The following PSME2 variants were observed in gnomAD, a reference collection of about 807,000 sequenced individuals.
PSME2 encodes the protein proteasome activator complex subunit 2.
In PSME2, 20 loss-of-function variants were observed where a neutral mutation model predicts 38.8. The observed-to-expected ratio is 0.52, with a 90% CI of 0.36 to 0.75. The LOEUF is 0.75. PSME2 is among the 30% of genes least tolerant of loss of function. PSME2 has a pLI of 0.00. For missense variants in PSME2, 227 were observed against 287.6 expected (o/e 0.79, Z 1.52); for synonymous variants, 82 against 102.5 (o/e 0.80, Z 1.21).
At chr14:24,146,132 G>C in intron 2 of PSME2, 76 bp downstream of exon 2, 1 of 1,541,914 alleles carries the variant, frequency 6.5e-7, no homozygotes, top group Non-Finnish European at 9.0e-7. Context: ...GACTTGGGGG[G>C]GTCATTCTGA....
At chr14:24,145,917 C>T in intron 2 of PSME2, 145 bp from the exon 3 acceptor site, 1 of 949,394 alleles carries the variant, frequency 1.1e-6, no homozygotes, top group South Asian at 1.4e-5. Context: ...AAGGACTTGC[C>T]CAAGCTGGTA....
In PSME2 at chr14:24,145,173, T is replaced by G. The variant is rs775220855; in HGVS notation, c.263-18A>C. 4 of 1,611,048 alleles carry G rather than the reference T, an allele frequency of 2.5e-6. No individual in the cohort carries two copies. In the South Asian group the frequency reaches 3.3e-5, roughly 13 times the overall value. On this transcript the variant is annotated intron_variant, in intron 5 of 10. Coordinates refer to ENST00000216802, the MANE Select transcript of PSME2 (RefSeq NM_002818.3). ...CTTATGGACTGTGAGAAAGAGGGGA[T>G]TCAGGCCCTTTCTCATCCAGTAGTC...
intron 5 of PSME2, 23 bp downstream of exon 5, chr14:24,145,220 T>A: frequency 6.2e-7 from 1 of 1,613,658 alleles, no homozygotes; most frequent in Non-Finnish European, 8.5e-7. Context: ...ACCCCTTCCC[T>A]AGTCACCTCT....
chr14:24,146,609 T>C lies in PSME2; in HGVS notation c.-28A>G. 6.2e-7 allele frequency: 1 copy of C among 1,611,442 alleles called. No individual in the cohort carries two copies. Among genetic ancestry groups the C allele is most frequent in the Non-Finnish European group, 8.5e-7 (1 of 1,179,984 alleles). On this transcript the variant is annotated 5_prime_UTR_variant, in exon 1 of 11. Transcript: ENST00000216802. ...TGCTTCAGTCGCTAGATCTCTGGTC[T>C]CCCGGCTAGTCGCCCGGGCTTTCGC...
At position 24,143,780 on chromosome 14, in the gene PSME2, C is replaced by A; in HGVS notation, c.553-109G>T. 1 of 1,338,920 alleles carries A rather than the reference C, an allele frequency of 7.5e-7. No homozygotes were observed. Among genetic ancestry groups the A allele is most frequent in the Non-Finnish European group, 1.1e-6 (1 of 945,668 alleles). 82.9% of individuals were successfully genotyped at this position (1,338,920 alleles called of 1,614,324 possible). ...CTTGAGAATGAACCCCTTCTTAGCA[C>A]CAAGAAATAGGATCCCAAAGGACTG... On this transcript the variant is annotated intron_variant, in intron 9 of 10. Coordinates refer to ENST00000216802, the MANE Select transcript of PSME2 (RefSeq NM_002818.3). This position sits in a 1 kb window ranked among gnomAD's most constrained non-coding sequence, Gnocchi z 4.4.
At chr14:24,145,353 C>T in intron 4 of PSME2, 26 bp downstream of exon 4, 1 of 1,609,480 alleles carries the variant, frequency 6.2e-7, no homozygotes, top group Non-Finnish European at 8.5e-7. Flanking sequence ...GTTTATAGTC[C>T]AAGTCCTGCA....
chr14:24,143,389 T>G lies in PSME2; in HGVS notation c.*20A>C, dbSNP rs780260617. 2.8e-5 allele frequency: 44 copies of G among 1,594,938 alleles called. 2 individuals are homozygous for G. The South Asian group carries it at 4.5e-4, about 16-fold the overall frequency. ...ATCCACACAACATATAGATCATTTATTTTCCTTCTAGTCCCGGGTTCAGTA... is the reference window on the plus strand; with the variant it reads ...ATCCACACAACATATAGATCATTTAGTTTCCTTCTAGTCCCGGGTTCAGTA... On this transcript the variant is annotated 3_prime_UTR_variant, in exon 11 of 11. Transcript: ENST00000216802. The surrounding 1 kb of genome is among the most constrained non-coding windows in gnomAD (Gnocchi z 4.4).
intron 3 of PSME2, 50 bp from the exon 4 acceptor site, chr14:24,145,515 A>G: frequency 1.3e-6 from 2 of 1,521,430 alleles, no homozygotes; most frequent in Non-Finnish European, 1.8e-6. Flanking sequence ...CCTTCATCCT[A>G]GGTCACAGCC....
Position 24,143,488 on chromosome 14 carries a change from GC to G in PSME2, c.640del (p.Ala214LeufsTer?). 1 of 1,614,166 alleles carries G rather than the reference GC, an allele frequency of 6.2e-7. No individual in the cohort carries two copies. Among genetic ancestry groups the G allele is most frequent in the Non-Finnish European group, 8.5e-7 (1 of 1,180,028 alleles). ...GCTGCTGATGATATGATAAAGCTCA[GC>G]CTGGGAGAAGGCCAGAGTGCAAGAG... ...AMVLDLRAFY[A>X]ELYHIISSNL... On this transcript the variant is annotated frameshift_variant and splice_region_variant, in exon 11 of 11. Transcript: ENST00000216802. LOFTEE classifies it high-confidence loss of function. The surrounding 1 kb of genome is among the most constrained non-coding windows in gnomAD (Gnocchi z 4.4).
Position 24,146,554 on chromosome 14 carries a change from T to C in PSME2, c.28A>G (p.Ser10Gly). MAKPCGVRL[S>G]GEARKQVEVF... ...ATTACCTGTTTGCGGGCTTCCCCGC[T>C]CAGGCGCACCCCACACGGCTTGGCC... Residue 10 changes from serine (S) to glycine (G), a missense_variant, in exon 1 of 11, where the codon AGC (serine) becomes GGC (glycine). Physicochemically the swap from Ser to Gly is moderately conservative, Grantham distance 56. This residue lies in a region of PSME2 where 80 missense variants were observed against 77.3 expected (regional missense o/e 1.04). Transcript: ENST00000216802. 1 of 1,613,886 alleles carries C rather than the reference T, an allele frequency of 6.2e-7. No individual in the cohort carries two copies. The highest frequency in any genetic ancestry group is 8.5e-7 in the Non-Finnish European group (1 of 1,180,022).
At position 24,144,199 on chromosome 14, in the gene PSME2, T is replaced by C. The variant is rs1462680033; in HGVS notation, c.490A>G (p.Ile164Val). 2 of 1,614,190 alleles carry C rather than the reference T, an allele frequency of 1.2e-6. No homozygotes were observed. Among genetic ancestry groups the C allele is most frequent in the East Asian group, 4.5e-5 (2 of 44,884 alleles). ...KTKVEAFQTT[I>V]SKYFSERGDA... ...TCCTCCAGCTGCCCTCACTTGGAAA[T>C]GGTTGTCTGGAAAGCTTCCACTTTG... Residue 164 changes from isoleucine to valine, a missense_variant, in exon 8 of 11, where the codon ATT becomes GTT. Physicochemically the swap from Ile to Val is conservative, Grantham distance 29. This residue lies in a region of PSME2 where 99 missense variants were observed against 113.9 expected (regional missense o/e 0.87). Coordinates refer to ENST00000216802, the MANE Select transcript of PSME2 (RefSeq NM_002818.3).
intron 3 of PSME2, 29 bp from the exon 4 acceptor site, chr14:24,145,494 C>A: frequency 6.5e-7 from 1 of 1,535,248 alleles, no homozygotes; most frequent in South Asian, 1.3e-5. Context: ...CAAGGGCTGC[C>A]CAACCTCTTC....
intron 1 of PSME2, 119 bp from the exon 2 acceptor site, chr14:24,146,359 C>G: frequency 6.9e-7 from 1 of 1,440,738 alleles, no homozygotes; most frequent in Non-Finnish European, 9.7e-7. Flanking sequence ...CTAGCTTTCC[C>G]TGGAAGCTCC....
At chr14:24,144,761 C>T in intron 6 of PSME2, 1 of 568,712 alleles carries the variant, frequency 1.8e-6, no homozygotes, top group East Asian at 3.0e-5. Flanking sequence ...TCTCTAGGGT[C>T]CAATCTTTTA....
rs2038104464 is a variant in PSME2, at chr14:24,143,394, C to T, written c.*15G>A. ...CACAACATATAGATCATTTATTTTC[C>T]TTCTAGTCCCGGGTTCAGTACATAG... On this transcript the variant is annotated 3_prime_UTR_variant, in exon 11 of 11. Transcript: ENST00000216802. This position sits in a 1 kb window ranked among gnomAD's most constrained non-coding sequence, Gnocchi z 4.4. 15 of 1,601,368 alleles carry T rather than the reference C, an allele frequency of 9.4e-6. No homozygotes were observed. The highest frequency in any genetic ancestry group is 6.7e-5 in the East Asian group (3 of 44,832).
Position 24,143,824 on chromosome 14 carries a change from G to T in PSME2, c.552+151C>A. On this transcript the variant is annotated intron_variant, in intron 9 of 10. Transcript: ENST00000216802. This position sits in a 1 kb window ranked among gnomAD's most constrained non-coding sequence, Gnocchi z 4.4. ...AGGACTGAGCAGAGAAAAGGGTCAA[G>T]GTTGTTGAAGCCCAAACCAGTTTTT... is the stretch of plus-strand genomic sequence containing the variant. 1 of 1,281,000 alleles carries T rather than the reference G, an allele frequency of 7.8e-7. No individual in the cohort carries two copies. The highest frequency in any genetic ancestry group is 1.1e-6 in the Non-Finnish European group (1 of 897,584). The allele number at this position is 1,281,000 out of a possible 1,614,324, so 79.4% of individuals were successfully genotyped here. A position where few individuals can be genotyped will look rare whatever the true frequency, so the allele number is the denominator to read the frequency against.
rs1261488947 is a variant in PSME2 at position 24,143,555 on chromosome 14, A to C, written c.639+30T>G. 6.2e-7 allele frequency: 1 copy of C among 1,612,570 alleles called. No individual in the cohort carries two copies. The highest frequency in any genetic ancestry group is 1.3e-5 in the African/African-American group (1 of 74,642). Reference sequence around the variant, plus strand: ...ATCCCCTGCCTGCCCCCACTCATCCACCTCCCCTAAAGCCTTACTCCACAC... The same window carrying C: ...ATCCCCTGCCTGCCCCCACTCATCCCCCTCCCCTAAAGCCTTACTCCACAC... On this transcript the variant is annotated intron_variant, in intron 10 of 10. Coordinates refer to ENST00000216802, the MANE Select transcript of PSME2 (RefSeq NM_002818.3). This position sits in a 1 kb window ranked among gnomAD's most constrained non-coding sequence, Gnocchi z 4.4.
chr14:24,145,469 C>A lies in PSME2; in HGVS notation c.145-4G>T, dbSNP rs1407070891. ...CAGCCACATTGAGGGAGTCCTCCTG[C>A]ACAGAGCTCACTGTCAAGGGCTGCC... On this transcript the variant is annotated splice_region_variant and splice_polypyrimidine_tract_variant and intron_variant, in intron 3 of 10. Coordinates refer to ENST00000216802, the MANE Select transcript of PSME2 (RefSeq NM_002818.3). 6.5e-7 allele frequency: 1 copy of A among 1,547,668 alleles called. No homozygotes were observed. Among genetic ancestry groups the A allele is most frequent in the East Asian group, 2.2e-5 (1 of 44,470 alleles).
chr14:24,145,091 T>G lies in PSME2; in HGVS notation c.327A>C (p.Pro109=). The change falls in exon 6 of 11, where the codon CCA becomes CCC. Residue 109 remains proline (P), a synonymous_variant. Coordinates refer to ENST00000216802, the MANE Select transcript of PSME2 (RefSeq NM_002818.3). ...ATTTCTCTTTGAGAGTCCAGACTTC[T>G]GGCTTAACCAGGGCAAGCAGGGACA... is the stretch of plus-strand genomic sequence containing the variant. ...KVLSLLALVK[P]EVWTLKEKCI... 6.2e-7 allele frequency: 1 copy of G among 1,613,792 alleles called. No homozygotes were observed. The highest frequency in any genetic ancestry group is 8.5e-7 in the Non-Finnish European group (1 of 1,179,720).
Sources: allele counts gnomAD v4.1 joint callset, GRCh38; gene constraint gnomAD v4.1.1; regional missense constraint gnomAD v4.1.1; non-coding constraint Gnocchi (gnomAD v3.1); transcripts MANE v1.5; gene names NCBI Gene and HGNC (gene_info 2026-07-23, HGNC 2026-07-21).